The following RALA variants were observed in gnomAD, a reference collection of about 807,000 sequenced individuals.
The protein encoded by RALA is RAS like proto-oncogene A.
A neutral mutation model predicts 24.0 loss-of-function variants in RALA; 5 were observed. The ratio of observed to expected loss-of-function variants is 0.21; its 90% CI spans 0.11 to 0.44. RALA has a LOEUF of 0.44. Ranked by LOEUF, RALA falls within the 20% of genes least tolerant of loss-of-function variation. The pLI, the probability that RALA is intolerant of heterozygous loss-of-function variation, is 0.99. For missense variants in RALA, 95 were observed against 241.2 expected, an observed-to-expected ratio of 0.39 and a Z score of 4.01; for synonymous variants, 77 against 83.8, an observed-to-expected ratio of 0.92 and a Z score of 0.44.
intron 1 of RALA, among the ~76,000 whole-genome samples, chr7:39,663,737 A>C (rs2116003083): frequency 6.6e-6 from 1 of 152,326 alleles, no homozygotes; most frequent in East Asian, 1.9e-4. Context: ...TTGAAAATTC[A>C]GCTTTTATGA....
intron 1 of RALA, among the ~76,000 whole-genome samples, chr7:39,638,441 T>C (rs1791723331): frequency 6.6e-6 from 1 of 152,148 alleles, no homozygotes; most frequent in African/African-American, 2.4e-5. Flanking sequence ...CATGTGTCAG[T>C]AGTTCTTTTT....
intron 1 of RALA, among the ~76,000 whole-genome samples, chr7:39,682,963 A>T (rs950194079): frequency 6.6e-6 from 1 of 152,098 alleles, no homozygotes; most frequent in African/African-American, 2.4e-5. Flanking sequence ...TTAATCCCCA[A>T]ATTCATATGT....
intron 1 of RALA, among the ~76,000 whole-genome samples, chr7:39,669,808 TA>T (rs35648613): frequency 0.072 from 9,606 of 133,724 alleles, 373 homozygotes; most frequent in Non-Finnish European, 0.092. Context: ...TCTGTCTCTT[TA>T]AAAAAAAAAA....
At position 39,685,570 on chromosome 7, in the gene RALA, A is replaced by G. The variant is rs1026269720; in HGVS notation, c.-37-1061A>G. The stretch of plus-strand genomic sequence containing the variant: ...GGATTTTTTCTAAGGCCAAGTCAGC[A>G]TGGCCGAAGGTCACTACAACTTCTG... On this transcript the variant is annotated intron_variant, in intron 1 of 4. Coordinates refer to ENST00000005257, the MANE Select transcript of RALA (RefSeq NM_005402.4). 3.9e-5 allele frequency among the ~76,000 whole-genome samples: 6 copies of G among 152,188 alleles called. No individual in the cohort carries two copies. The East Asian group carries it at 1.2e-3, about 29-fold the overall frequency.
At chr7:39,645,297 T>C (rs1441421608) in intron 1 of RALA, among the ~76,000 whole-genome samples, 1 of 152,216 alleles carries the variant, frequency 6.6e-6, no homozygotes, top group African/African-American at 2.4e-5. Flanking sequence ...TTGTAAATCC[T>C]GTGTGACAGT....
chr7:39,624,246 C>T (rs921292470), intron 1 of RALA: 8 of 152,124 alleles, frequency 5.3e-5, no homozygotes, highest in African/African-American at 1.9e-4. Flanking sequence ...CTTGCCTGTG[C>T]TAGAGCCGCT....
chr7:39,630,507 C>A (rs1012002732), intron 1 of RALA, among the ~76,000 whole-genome samples: 13 of 152,028 alleles, frequency 8.6e-5, no homozygotes, highest in African/African-American at 2.9e-4. Flanking sequence ...TTTTGCCATG[C>A]AAAAGATTGT....
intron 1 of RALA, among the ~76,000 whole-genome samples, chr7:39,638,302 A>G (rs1410154441): frequency 2.0e-5 from 3 of 152,144 alleles, no homozygotes; most frequent in Admixed American, 1.3e-4. Context: ...TGATTTTTCT[A>G]AGGTTATAAT....
At chr7:39,638,568 A>G (rs1435646436) in intron 1 of RALA, among the ~76,000 whole-genome samples, 1 of 151,856 alleles carries the variant, frequency 6.6e-6, no homozygotes, top group Non-Finnish European at 1.5e-5. Flanking sequence ...TCAGCCTCCC[A>G]AGTAGCTGGG....
chr7:39,634,192 T>C (rs377551523), intron 1 of RALA, among the ~76,000 whole-genome samples: 17 of 152,310 alleles, frequency 1.1e-4, no homozygotes, highest in South Asian at 4.1e-4. Context: ...GTAGAGTATT[T>C]AATGATCTCT....
intron 1 of RALA, among the ~76,000 whole-genome samples, chr7:39,671,689 T>C (rs1230318522): frequency 1.3e-5 from 2 of 152,246 alleles, no homozygotes; most frequent in East Asian, 3.8e-4. Context: ...AATTTTATTT[T>C]GCAGACAAGG....
chr7:39,692,141 A>C (rs1187415086), intron 3 of RALA, among the ~76,000 whole-genome samples: 2 of 152,202 alleles, frequency 1.3e-5, no homozygotes, highest in African/African-American at 2.4e-5. Flanking sequence ...TGGGCACTCC[A>C]CGTGGTCTAA....
intron 1 of RALA, among the ~76,000 whole-genome samples, chr7:39,676,486 T>C (rs1182307909): frequency 6.6e-6 from 1 of 152,240 alleles, no homozygotes; most frequent in Non-Finnish European, 1.5e-5. Flanking sequence ...ATTTGCATTA[T>C]ACTTACCGGT....
intron 1 of RALA, among the ~76,000 whole-genome samples, chr7:39,639,687 T>C (rs1272545692): frequency 1.3e-5 from 2 of 152,202 alleles, no homozygotes; most frequent in Non-Finnish European, 2.9e-5. Flanking sequence ...TTTTATTTTC[T>C]GATAATTTGT....
chr7:39,670,885 T>C (rs1024906376), intron 1 of RALA, among the ~76,000 whole-genome samples: 1 of 152,152 alleles, frequency 6.6e-6, no homozygotes, highest in South Asian at 2.1e-4. Context: ...AATAGATCAA[T>C]ATTGATTTCC....
chr7:39,696,071 C>T (rs1021432334), intron 3 of RALA, among the ~76,000 whole-genome samples: 9 of 152,176 alleles, frequency 5.9e-5, no homozygotes, highest in African/African-American at 2.2e-4. Flanking sequence ...TTTGCTCAGA[C>T]TTACATGACT....
intron 1 of RALA, among the ~76,000 whole-genome samples, chr7:39,676,112 A>G (rs1008138320): frequency 6.6e-6 from 1 of 151,996 alleles, no homozygotes; most frequent in Non-Finnish European, 1.5e-5. Flanking sequence ...AGTAGCTGGG[A>G]CTACAGGCGC....
chr7:39,667,848 C>T (rs1562616857), intron 1 of RALA, among the ~76,000 whole-genome samples: 1 of 152,344 alleles, frequency 6.6e-6, no homozygotes, highest in South Asian at 2.1e-4. Context: ...AGGAGCCAAT[C>T]TGTCAACCTG....
At chr7:39,691,238 A>C (rs1792813347) in intron 3 of RALA, among the ~76,000 whole-genome samples, 1 of 152,138 alleles carries the variant, frequency 6.6e-6, no homozygotes, top group African/African-American at 2.4e-5. Context: ...GTGCTCCTCT[A>C]TATTTAAGAG....
Sources: gnomAD v4.1 joint callset for allele counts (sites outside exome capture counted in the v4.1 genomes callset) on GRCh38, gnomAD v4.1.1 for gene constraint, MANE v1.5 for transcripts, NCBI Gene and HGNC (gene_info 2026-07-23, HGNC 2026-07-21) for gene names.